Variants in SEPTIN6 observed in about 807,000 individuals in gnomAD.
The protein encoded by SEPTIN6 is septin-6.
SEPTIN6 carries 8 observed loss-of-function variants against 33.6 expected under a neutral mutation model. That is an observed-to-expected ratio of 0.24 (90% confidence interval 0.14 to 0.43). SEPTIN6 has a LOEUF of 0.43. Ranked by LOEUF, SEPTIN6 falls within the 20% of genes least tolerant of loss-of-function variation. The probability of loss-of-function intolerance (pLI) is 1.00; values close to 1 mark genes in which losing one functional copy is unlikely to be tolerated. For missense variants in SEPTIN6, 250 were observed against 340.8 expected (o/e 0.73, Z 2.10); for synonymous variants, 131 against 140.0 (o/e 0.94, Z 0.45).
At chrX:119,688,441 G>A (rs758520883) in intron 1 of SEPTIN6, among the ~76,000 whole-genome samples, 1 of 111,533 alleles carries the variant, frequency 9.0e-6, no homozygotes, top group East Asian at 2.8e-4. Context: ...GGGCGCTGTG[G>A]CTCACACCTG....
At chrX:119,666,573 C>G (rs896899763) in intron 2 of SEPTIN6, among the ~76,000 whole-genome samples, 1 of 110,874 alleles carries the variant, frequency 9.0e-6, no homozygotes, top group Non-Finnish European at 1.9e-5. Flanking sequence ...GGAGGGAGAA[C>G]AAGGAGAACA....
intron 2 of SEPTIN6, among the ~76,000 whole-genome samples, chrX:119,670,329 G>A (rs2054720838): frequency 9.1e-6 from 1 of 109,737 alleles, no homozygotes; most frequent in African/African-American, 3.3e-5. Context: ...AGGTCCAGGT[G>A]GGCGGATCAC....
chrX:119,673,516 G>C (rs1397177252), intron 2 of SEPTIN6, among the ~76,000 whole-genome samples: 3 of 110,587 alleles, frequency 2.7e-5, no homozygotes, highest in Non-Finnish European at 5.7e-5. Flanking sequence ...AGAATGCTGG[G>C]GATAGAGGAA....
intron 3 of SEPTIN6, among the ~76,000 whole-genome samples, chrX:119,655,029 A>G (rs949460698): frequency 1.8e-5 from 2 of 110,425 alleles, no homozygotes; most frequent in African/African-American, 6.6e-5. Context: ...TCAATTACGT[A>G]ATTTTTTTTT....
chrX:119,681,850 A>G (rs1483890959), intron 1 of SEPTIN6, among the ~76,000 whole-genome samples: 1 of 111,416 alleles, frequency 9.0e-6, no homozygotes, highest in Non-Finnish European at 1.9e-5. Flanking sequence ...CAACCTGGGC[A>G]ACACAGCAGA....
intron 9 of SEPTIN6, among the ~76,000 whole-genome samples, chrX:119,627,422 GGAGCCACTGTTC>G (rs1425381581): frequency 9.9e-5 from 11 of 110,974 alleles, no homozygotes; most frequent in African/African-American, 3.3e-4. Context: ...ATGGTATCCA[GGAGCCACTGTTC>G]TAATACCAGG....
At chrX:119,691,913 G>A (rs1235109791) in intron 1 of SEPTIN6, among the ~76,000 whole-genome samples, 1 of 111,224 alleles carries the variant, frequency 9.0e-6, no homozygotes, top group Non-Finnish European at 1.9e-5. Flanking sequence ...TCCTCACCTC[G>A]GGGTGCTGGT....
chrX:119,664,228 C>T (rs1423758101), intron 2 of SEPTIN6, among the ~76,000 whole-genome samples: 1 of 111,622 alleles, frequency 9.0e-6, no homozygotes, highest in African/African-American at 3.3e-5. Context: ...ATGATCCACC[C>T]GCCTCGGCCT....
At position 119,637,195 on chromosome X, in the gene SEPTIN6, A is replaced by G; in HGVS notation, c.788T>C (p.Val263Ala). The change falls in exon 7 of 11, where the codon GTT becomes GCT. Residue 263 changes from valine to alanine, a missense_variant and splice_region_variant. Physicochemically the swap from Val to Ala is moderately conservative, Grantham distance 64. Transcript: ENST00000394610. Reference sequence around the variant, plus strand: ...AAAGTCGCAGTGGGCCTCGTTTTCAACTGCATAGCAGGATTTGGGGTATTG... The same window carrying G: ...AAAGTCGCAGTGGGCCTCGTTTTCAGCTGCATAGCAGGATTTGGGGTATTG... ...ARQYPWGTVQVENEAHCDFVK... is the reference protein window; with the variant it reads ...ARQYPWGTVQAENEAHCDFVK... 1 of 1,210,056 alleles carries G rather than the reference A, an allele frequency of 8.3e-7. No individual in the cohort carries two copies. Among genetic ancestry groups the G allele is most frequent in the Non-Finnish European group, 1.1e-6 (1 of 894,035 alleles).
rs192405764 is a variant in SEPTIN6, at chrX:119,684,128, A to G, written c.31-8460T>C. 5.4e-4 allele frequency among the ~76,000 whole-genome samples: 60 copies of G among 110,442 alleles called. No homozygotes were observed. In the East Asian group the frequency reaches 0.016, roughly 30 times the overall value. ...CTAATTTTTGTATTTTTAGTTTAGT[A>G]GAGATGGGGTTTCACCATGTTGGCC... On this transcript the variant is annotated intron_variant, in intron 1 of 10. Coordinates refer to ENST00000394610, the MANE Select transcript of SEPTIN6 (RefSeq NM_145799.4).
At chrX:119,689,306 C>T (rs1300420243) in intron 1 of SEPTIN6, among the ~76,000 whole-genome samples, 1 of 111,543 alleles carries the variant, frequency 9.0e-6, no homozygotes, top group Non-Finnish European at 1.9e-5. Flanking sequence ...TTGCCCTGTG[C>T]CTTGGTTACC....
At chrX:119,687,347 T>C (rs2055074985) in intron 1 of SEPTIN6, among the ~76,000 whole-genome samples, 1 of 107,298 alleles carries the variant, frequency 9.3e-6, no homozygotes, top group Admixed American at 1.0e-4. Context: ...GCCTCCCGGG[T>C]TCACGCCATT....
chrX:119,670,271 T>C (rs754457897), intron 2 of SEPTIN6, among the ~76,000 whole-genome samples: 1 of 111,149 alleles, frequency 9.0e-6, no homozygotes, highest in Non-Finnish European at 1.9e-5. Flanking sequence ...CTAAAAAGAA[T>C]AATAGGCCAG....
At chrX:119,646,099 T>C (rs1176428086) in intron 5 of SEPTIN6, among the ~76,000 whole-genome samples, 1 of 111,923 alleles carries the variant, frequency 8.9e-6, no homozygotes, top group Non-Finnish European at 1.9e-5. Context: ...TTGGGCTTGG[T>C]TTCCTCCCAG....
intron 1 of SEPTIN6, among the ~76,000 whole-genome samples, chrX:119,679,676 G>A (rs1049845654): frequency 3.6e-5 from 4 of 111,258 alleles, no homozygotes; most frequent in Non-Finnish European, 5.7e-5. Flanking sequence ...TGGCCAACAT[G>A]GTGAAACCCC....
downstream of SEPTIN6, chrX:119,616,937 C>T (rs2053673930): frequency 9.5e-7 from 1 of 1,055,754 alleles, no homozygotes; most frequent in African/African-American, 1.9e-5. Flanking sequence ...AAGAACACCA[C>T]ACACCAGTTT....
At chrX:119,642,195 A>G (rs925689554) in intron 5 of SEPTIN6, among the ~76,000 whole-genome samples, 1 of 109,491 alleles carries the variant, frequency 9.1e-6, no homozygotes, top group Non-Finnish European at 1.9e-5. Context: ...AAAAAAAAAA[A>G]AAGAAAAATC....
intron 4 of SEPTIN6, among the ~76,000 whole-genome samples, chrX:119,652,380 A>G (rs764306497): frequency 5.0e-4 from 56 of 111,965 alleles, no homozygotes; most frequent in Admixed American, 4.8e-3. Context: ...AACCTCTGAG[A>G]GCCTCAGTTT....
Position 119,675,646 on chromosome X carries a change from G to A in SEPTIN6, c.53C>T (p.Pro18Leu). 1 of 1,136,889 alleles carries A rather than the reference G, an allele frequency of 8.8e-7. No homozygotes were observed. The highest frequency in any genetic ancestry group is 1.2e-6 in the Non-Finnish European group (1 of 852,458). 93.7% of individuals were successfully genotyped at this position (1,136,889 alleles called of 1,213,427 possible). A position where few individuals can be genotyped will look rare whatever the true frequency, so the allele number is the denominator to read the frequency against. The change falls in exon 2 of 11, where the codon CCC (proline) becomes CTC (leucine). Residue 18 changes from proline (P) to leucine (L), a missense_variant. Transcript: ENST00000394610. ...RQVGEGCRTV[P>L]LAGHVGFDSL... ...GTCAAACCCCACATGTCCAGCCAGGGGGACAGTTCGGCAACCTTCACCCTA... is the reference window on the plus strand; with the variant it reads ...GTCAAACCCCACATGTCCAGCCAGGAGGACAGTTCGGCAACCTTCACCCTA...
Sources: gnomAD v4.1 joint callset for allele counts (sites outside exome capture counted in the v4.1 genomes callset) on GRCh38, gnomAD v4.1.1 for gene constraint, MANE v1.5 for transcripts, NCBI Gene and HGNC (gene_info 2026-07-23, HGNC 2026-07-21) for gene names.